The following AKAP6 variants were observed in gnomAD, a reference collection of about 807,000 sequenced individuals.
AKAP6 encodes A-kinase anchoring protein 6.
In AKAP6, 58 loss-of-function variants were observed where a neutral mutation model predicts 188.5. The ratio of observed to expected loss-of-function variants is 0.31; its 90% CI spans 0.25 to 0.38. The LOEUF is 0.38. Ranked by LOEUF, AKAP6 falls within the 10% of genes least tolerant of loss-of-function variation. The pLI, the probability that AKAP6 is intolerant of heterozygous loss-of-function variation, is 1.00. For missense variants in AKAP6, 2,710 were observed against 2,740.0 expected (o/e 0.99, Z 0.24); for synonymous variants, 989 against 998.6 (o/e 0.99, Z 0.18).
chr14:32,417,592 A>G (rs1425459276), intron 1 of AKAP6, among the ~76,000 whole-genome samples: 1 of 152,176 alleles, frequency 6.6e-6, no homozygotes. Flanking sequence ...TCAGCAAGGG[A>G]GTACTAAACA....
intron 9 of AKAP6, among the ~76,000 whole-genome samples, chr14:32,716,108 T>C (rs1054601229): frequency 9.2e-5 from 14 of 152,006 alleles, no homozygotes; most frequent in African/African-American, 3.1e-4. Flanking sequence ...AGTTTAAATA[T>C]GGGCAGTCTG....
At chr14:32,604,590 G>A (rs574994727) in intron 7 of AKAP6, among the ~76,000 whole-genome samples, 1 of 152,264 alleles carries the variant, frequency 6.6e-6, no homozygotes, top group Admixed American at 6.5e-5. Context: ...AGATTCTGAA[G>A]CCAGACTGCT....
intron 2 of AKAP6, among the ~76,000 whole-genome samples, chr14:32,485,499 G>A (rs1339820261): frequency 6.6e-6 from 1 of 152,048 alleles, no homozygotes; most frequent in East Asian, 1.9e-4. Flanking sequence ...TTTAATGATT[G>A]CCATTCTAAC....
chr14:32,828,611 C>A (rs920227015), intron 13 of AKAP6, among the ~76,000 whole-genome samples: 6 of 151,774 alleles, frequency 4.0e-5, no homozygotes, highest in Non-Finnish European at 8.8e-5. Flanking sequence ...AATTGGCCTG[C>A]CCATTTCCAA....
chr14:32,676,792 T>C (rs1889445767), intron 7 of AKAP6, among the ~76,000 whole-genome samples: 1 of 152,146 alleles, frequency 6.6e-6, no homozygotes, highest in African/African-American at 2.4e-5. Context: ...AGCAACAACA[T>C]AGGAATTCTG....
At chr14:32,728,267 T>A (rs1437377136) in intron 9 of AKAP6, among the ~76,000 whole-genome samples, 1 of 146,620 alleles carries the variant, frequency 6.8e-6, no homozygotes, top group Admixed American at 7.2e-5. Context: ...ATTTTGCCAG[T>A]AGTTTGGTGT....
rs1392388113 is a variant in AKAP6, at chr14:32,720,403, T to G, written c.3001-12051T>G. 9.8e-5 allele frequency among the ~76,000 whole-genome samples: 15 copies of G among 152,344 alleles called. No individual in the cohort carries two copies. In the East Asian group the frequency reaches 2.9e-3, roughly 29 times the overall value. On this transcript the variant is annotated intron_variant, in intron 9 of 13. Coordinates refer to ENST00000280979, the MANE Select transcript of AKAP6 (RefSeq NM_004274.5). ...ATATCATTGCTTTATCTCATTTCAT[T>G]ATCATAGTTAACTTAGGAGATAGAT...
chr14:32,593,301 T>C (rs1272934152), intron 5 of AKAP6, among the ~76,000 whole-genome samples: 3 of 152,062 alleles, frequency 2.0e-5, no homozygotes, highest in Admixed American at 6.5e-5. Context: ...GGTTTGTTGA[T>C]TGATTGGATG....
chr14:32,643,670 G>A (rs937341629), intron 7 of AKAP6, among the ~76,000 whole-genome samples: 2 of 151,972 alleles, frequency 1.3e-5, no homozygotes, highest in Non-Finnish European at 1.5e-5. Context: ...TGATTTATGA[G>A]CATGTTTTCT....
chr14:32,548,166 A>G (rs1883283611), intron 4 of AKAP6, among the ~76,000 whole-genome samples: 1 of 139,636 alleles, frequency 7.2e-6, no homozygotes, highest in South Asian at 2.2e-4. Flanking sequence ...GAATGGCACC[A>G]TCTCAGCTCA....
intron 1 of AKAP6, among the ~76,000 whole-genome samples, chr14:32,354,346 C>T (rs1248135222): frequency 1.3e-5 from 2 of 151,904 alleles, no homozygotes; most frequent in Non-Finnish European, 2.9e-5. Flanking sequence ...CTGTTCCCTG[C>T]TCTGCCACTA....
Position 32,344,234 on chromosome 14 carries a change from G to T in AKAP6, c.-35+14826G>T, listed in dbSNP as rs142324813. Among the ~76,000 whole-genome samples the T allele has an allele frequency of 3.9e-3, 591 of 152,316 alleles. 6 individuals carry two copies. Among genetic ancestry groups the T allele is most frequent in the African/African-American group, 0.013 (549 of 41,568 alleles). ...ATACAGTGTTGTCATCATTCTAGCT[G>T]TGATGTTCTGGGAGCTGTCCAGACA... On this transcript the variant is annotated intron_variant, in intron 1 of 13. Transcript: ENST00000280979.
chr14:32,607,998 G>T (rs1886192754), intron 7 of AKAP6, among the ~76,000 whole-genome samples: 1 of 152,104 alleles, frequency 6.6e-6, no homozygotes, highest in African/African-American at 2.4e-5. Context: ...GATCAGTGTG[G>T]TTACTAAGTT....
intron 1 of AKAP6, among the ~76,000 whole-genome samples, chr14:32,399,458 A>T (rs921712392): frequency 6.6e-6 from 1 of 152,230 alleles, no homozygotes; most frequent in Non-Finnish European, 1.5e-5. Context: ...TTTAGCTGTC[A>T]TCCAGTGTCT....
In AKAP6 at chr14:32,546,458, A is replaced by G. The variant is rs1883203135; in HGVS notation, c.1805A>G (p.Lys602Arg). 6.2e-7 allele frequency: 1 copy of G among 1,614,144 alleles called. No homozygotes were observed. Among genetic ancestry groups the G allele is most frequent in the Admixed American group, 1.7e-5 (1 of 60,020 alleles). The part of the protein sequence containing the change: ...MSPVPLLSKH[K>R]SKKGQASSPS... ...CCGGTGCCACTTCTTTCAAAACACA[A>G]AAGCAAAAAAGGTCAAGCCTCCTCT... Residue 602 changes from lysine (K) to arginine (R), a missense_variant, in exon 4 of 14, where the codon AAA (lysine) becomes AGA (arginine). By Grantham distance (26) the Lys-to-Arg change is conservative. Transcript: ENST00000280979.
intron 13 of AKAP6, among the ~76,000 whole-genome samples, chr14:32,827,244 A>AGT (rs2034697008): frequency 6.6e-6 from 1 of 152,176 alleles, no homozygotes; most frequent in African/African-American, 2.4e-5. Flanking sequence ...CTACAAGTTC[A>AGT]GAAAAAGAAA....
At chr14:32,774,395 G>A (rs1380974182) in intron 12 of AKAP6, among the ~76,000 whole-genome samples, 1 of 152,136 alleles carries the variant, frequency 6.6e-6, no homozygotes, top group Non-Finnish European at 1.5e-5. Context: ...TCATCTATTT[G>A]TACAGTAATC....
At chr14:32,515,756 A>G (rs1345259699) in intron 2 of AKAP6, among the ~76,000 whole-genome samples, 2 of 152,178 alleles carry the variant, frequency 1.3e-5, no homozygotes, top group Non-Finnish European at 2.9e-5. Context: ...TCTTTTCATG[A>G]TCATCTTGAA....
At chr14:32,633,686 G>A (rs949001693) in intron 7 of AKAP6, among the ~76,000 whole-genome samples, 10 of 151,998 alleles carry the variant, frequency 6.6e-5, no homozygotes, top group East Asian at 1.9e-4. Flanking sequence ...GAGAAAACCC[G>A]CAACCCACTC....
Sources: gnomAD v4.1 joint callset for allele counts (sites outside exome capture counted in the v4.1 genomes callset) on GRCh38, gnomAD v4.1.1 for gene constraint, MANE v1.5 for transcripts, NCBI Gene and HGNC (gene_info 2026-07-23, HGNC 2026-07-21) for gene names.